Variants in CCDC85A observed in about 807,000 individuals in gnomAD.
CCDC85A encodes coiled-coil domain containing 85A.
A neutral mutation model predicts 50.2 loss-of-function variants in CCDC85A; 38 were observed. The observed-to-expected ratio is 0.76, with a 90% CI of 0.58 to 0.99. CCDC85A has a LOEUF of 0.99. CCDC85A is among the 50% of genes least tolerant of loss of function. CCDC85A has a pLI of 0.00. For synonymous variants in CCDC85A, 366 were observed against 301.4 expected (o/e 1.21, Z -2.22); for missense variants, 820 against 742.0 (o/e 1.11, Z -1.22).
chr2:56,220,486 T>A (rs1028431561), intron 2 of CCDC85A, among the ~76,000 whole-genome samples: 45 of 152,164 alleles, frequency 3.0e-4, no homozygotes, highest in Admixed American at 2.7e-3. Flanking sequence ...TAATAATGAT[T>A]CTGAAGAAAG....
intron 2 of CCDC85A, among the ~76,000 whole-genome samples, chr2:56,218,613 A>G (rs1668190467): frequency 6.6e-6 from 1 of 151,950 alleles, no homozygotes; most frequent in Non-Finnish European, 1.5e-5. Flanking sequence ...CTTACTTATT[A>G]CCTGGTCCAT....
chr2:56,303,309 T>C (rs1028830379), intron 2 of CCDC85A, among the ~76,000 whole-genome samples: 1 of 151,610 alleles, frequency 6.6e-6, no homozygotes, highest in African/African-American at 2.4e-5. Flanking sequence ...AATTTTGTGG[T>C]TAAAACTAAA....
At position 56,231,120 on chromosome 2, in the gene CCDC85A, ACT is replaced by A. The variant is rs1486558075; in HGVS notation, c.1240+37683_1240+37684del. 4.4e-4 allele frequency among the ~76,000 whole-genome samples: 67 copies of A among 152,246 alleles called. 1 individual carries two copies. Among genetic ancestry groups the A allele is most frequent in the African/African-American group, 1.6e-3 (65 of 41,562 alleles). On this transcript the variant is annotated intron_variant, in intron 2 of 5. Transcript: ENST00000407595. ...ACTACTTTGTCTTTATGAAATTCTG[ACT>A]CTGTAGGATCTGATGATATGATATT...
At chr2:56,327,701 T>G (rs1032946149) in intron 2 of CCDC85A, among the ~76,000 whole-genome samples, 2 of 152,052 alleles carry the variant, frequency 1.3e-5, no homozygotes, top group African/African-American at 4.8e-5. Flanking sequence ...CATAGAGATC[T>G]GTAGGAATAC....
At chr2:56,224,311 T>C (rs897798761) in intron 2 of CCDC85A, among the ~76,000 whole-genome samples, 11 of 152,200 alleles carry the variant, frequency 7.2e-5, no homozygotes, top group African/African-American at 2.7e-4. Context: ...TTCTTTTCAC[T>C]GGGGACTAAT....
Position 56,325,871 on chromosome 2 carries a change from T to G in CCDC85A, c.1241-17008T>G, listed in dbSNP as rs140413723. 3.1e-3 allele frequency among the ~76,000 whole-genome samples: 470 copies of G among 152,280 alleles called. 3 individuals carry two copies. The highest frequency in any genetic ancestry group is 4.8e-3 in the Non-Finnish European group (328 of 68,000). On this transcript the variant is annotated intron_variant, in intron 2 of 5. Coordinates refer to ENST00000407595, the MANE Select transcript of CCDC85A (RefSeq NM_001080433.2). ...TGGTTGTTGACTGAAACTGGCCATT[T>G]TCACTTTGGCTGACTCTTGTTTATT... is the stretch of plus-strand genomic sequence containing the variant.
chr2:56,242,092 A>G (rs1228107765), intron 2 of CCDC85A, among the ~76,000 whole-genome samples: 2 of 152,050 alleles, frequency 1.3e-5, no homozygotes, highest in African/African-American at 4.8e-5. Flanking sequence ...GATGTTGAGC[A>G]CCTTTTCATA....
intron 2 of CCDC85A, among the ~76,000 whole-genome samples, chr2:56,257,733 T>C (rs1670045557): frequency 6.6e-6 from 1 of 152,120 alleles, no homozygotes; most frequent in African/African-American, 2.4e-5. Flanking sequence ...GAACAGATAC[T>C]GAAGGCAGGG....
In CCDC85A at chr2:56,239,277, T is replaced by C. The variant is rs1669153661; in HGVS notation, c.1240+45837T>C. ...TATGCTCAAGGTACATGTCATACTA[T>C]TGTTTGTTTAAAAGTGGTGGGCAGG... is the stretch of plus-strand genomic sequence containing the variant. On this transcript the variant is annotated intron_variant, in intron 2 of 5. Transcript: ENST00000407595. Among the ~76,000 whole-genome samples the C allele has an allele frequency of 3.9e-5, 6 of 152,010 alleles. No individual in the cohort carries two copies. In the South Asian group the frequency reaches 1.0e-3, roughly 26 times the overall value.
At chr2:56,303,127 A>G (rs1201107261) in intron 2 of CCDC85A, among the ~76,000 whole-genome samples, 2 of 152,152 alleles carry the variant, frequency 1.3e-5, no homozygotes, top group African/African-American at 2.4e-5. Flanking sequence ...AGAATCTTGT[A>G]CAAACCCATC....
At chr2:56,221,576 T>C (rs1216627747) in intron 2 of CCDC85A, among the ~76,000 whole-genome samples, 2 of 152,080 alleles carry the variant, frequency 1.3e-5, no homozygotes. Flanking sequence ...AATACATAGC[T>C]GATGAACTAT....
chr2:56,273,219 C>T (rs973772259), intron 2 of CCDC85A, among the ~76,000 whole-genome samples: 2 of 152,046 alleles, frequency 1.3e-5, no homozygotes, highest in Non-Finnish European at 2.9e-5. Context: ...CTGTGAGTTT[C>T]GGATCTAATA....
intron 2 of CCDC85A, among the ~76,000 whole-genome samples, chr2:56,224,823 A>T (rs1668475623): frequency 6.6e-6 from 1 of 151,938 alleles, no homozygotes; most frequent in Non-Finnish European, 1.5e-5. Context: ...AATGTTCTTT[A>T]TGTATGTTTT....
At chr2:56,357,848 A>C (rs1314038156) in intron 3 of CCDC85A, among the ~76,000 whole-genome samples, 1 of 152,138 alleles carries the variant, frequency 6.6e-6, no homozygotes, top group Non-Finnish European at 1.5e-5. Context: ...CCAGTGTGTC[A>C]TCAGTTCCAA....
intron 2 of CCDC85A, among the ~76,000 whole-genome samples, chr2:56,237,117 C>T (rs971790156): frequency 6.6e-6 from 1 of 152,170 alleles, no homozygotes; most frequent in Non-Finnish European, 1.5e-5. Flanking sequence ...GGGATTCTCT[C>T]TGAGGATAGA....
At chr2:56,347,724 G>A (rs1674698552) in intron 3 of CCDC85A, among the ~76,000 whole-genome samples, 1 of 152,116 alleles carries the variant, frequency 6.6e-6, no homozygotes, top group African/African-American at 2.4e-5. Context: ...GGAGGAGGGT[G>A]GATAGGGGGA....
At chr2:56,253,818 G>C (rs1669871103) in intron 2 of CCDC85A, among the ~76,000 whole-genome samples, 1 of 152,158 alleles carries the variant, frequency 6.6e-6, no homozygotes, top group Non-Finnish European at 1.5e-5. Flanking sequence ...AAACATGCAA[G>C]AATGGGGATG....
intron 2 of CCDC85A, among the ~76,000 whole-genome samples, chr2:56,311,522 G>T (rs1017180151): frequency 6.6e-6 from 1 of 151,514 alleles, no homozygotes; most frequent in Non-Finnish European, 1.5e-5. Context: ...CAATGTGCAG[G>T]TTTGTTACAT....
intron 2 of CCDC85A, among the ~76,000 whole-genome samples, chr2:56,239,585 C>T (rs1669167196): frequency 6.6e-6 from 1 of 152,040 alleles, no homozygotes; most frequent in Non-Finnish European, 1.5e-5. Flanking sequence ...AATGAATTGG[C>T]AGTATTCATT....
Sources: allele counts gnomAD v4.1 joint callset (sites outside exome capture counted in the v4.1 genomes callset), GRCh38; gene constraint gnomAD v4.1.1; transcripts MANE v1.5; gene names NCBI Gene and HGNC (gene_info 2026-07-23, HGNC 2026-07-21).